Variants in SMYD3 observed in about 807,000 individuals in gnomAD.
The protein encoded by SMYD3 is SET and MYND domain containing 3.
A neutral mutation model predicts 57.7 loss-of-function variants in SMYD3; 36 were observed. The observed-to-expected ratio is 0.62, with a 90% CI of 0.48 to 0.82. The LOEUF (loss-of-function observed/expected upper bound fraction) is 0.82. Ranked by LOEUF, SMYD3 falls within the 40% of genes least tolerant of loss-of-function variation. The probability of loss-of-function intolerance (pLI) is 0.00; values close to 1 mark genes in which losing one functional copy is unlikely to be tolerated. For synonymous variants in SMYD3, 211 were observed against 195.0 expected (o/e 1.08, Z -0.68); for missense variants, 515 against 538.8 (o/e 0.96, Z 0.44).
At chr1:246,073,119 T>G (rs2060486486) in intron 5 of SMYD3, among the ~76,000 whole-genome samples, 1 of 152,216 alleles carries the variant, frequency 6.6e-6, no homozygotes, top group Admixed American at 6.5e-5. Context: ...TAATAAGCGT[T>G]CACACATTTC....
intron 5 of SMYD3, among the ~76,000 whole-genome samples, chr1:246,012,874 G>T (rs1253536009): frequency 1.3e-5 from 2 of 152,184 alleles, no homozygotes; most frequent in Non-Finnish European, 2.9e-5. Flanking sequence ...GACTGAGAAA[G>T]CGAAGTTCTG....
intron 5 of SMYD3, among the ~76,000 whole-genome samples, chr1:246,055,237 C>T (rs1230739926): frequency 1.3e-5 from 2 of 151,928 alleles, no homozygotes; most frequent in East Asian, 3.9e-4. Context: ...AAGCCTTGTG[C>T]GTTACTGGTA....
chr1:246,269,411 G>A (rs2064172421), intron 5 of SMYD3, among the ~76,000 whole-genome samples: 1 of 152,088 alleles, frequency 6.6e-6, no homozygotes, highest in South Asian at 2.1e-4. Flanking sequence ...AAGATTAGCT[G>A]GTGGTGATAG....
chr1:245,843,558 G>A (rs796225971), intron 10 of SMYD3, among the ~76,000 whole-genome samples: 50,850 of 149,724 alleles, frequency 0.34, 10,494 homozygotes, highest in African/African-American at 0.57. Context: ...GTGTGTGTGT[G>A]TGTGTGTGTG....
At chr1:246,448,976 C>T (rs1490712933) in intron 1 of SMYD3, among the ~76,000 whole-genome samples, 1 of 152,070 alleles carries the variant, frequency 6.6e-6, no homozygotes, top group Non-Finnish European at 1.5e-5. Context: ...ACTTGTAATC[C>T]CAACACTTTG....
chr1:245,969,102 G>T (rs769761161), intron 5 of SMYD3, among the ~76,000 whole-genome samples: 2 of 152,176 alleles, frequency 1.3e-5, no homozygotes, highest in Non-Finnish European at 1.5e-5. Context: ...TTCTCAAAAC[G>T]TAAGTACTTC....
chr1:246,302,018 A>T (rs569489433), intron 5 of SMYD3, among the ~76,000 whole-genome samples: 2 of 152,228 alleles, frequency 1.3e-5, no homozygotes, highest in African/African-American at 4.8e-5. Flanking sequence ...AGGACATGCG[A>T]GCTAAGGCAA....
intron 7 of SMYD3, among the ~76,000 whole-genome samples, chr1:245,922,657 A>G (rs2056061572): frequency 6.6e-6 from 1 of 151,702 alleles, no homozygotes; most frequent in South Asian, 2.1e-4. Flanking sequence ...TCCCTTCAGG[A>G]AACTCTAATC....
At chr1:245,947,354 A>G in intron 5 of SMYD3, 1 of 457,040 alleles carries the variant, frequency 2.2e-6, no homozygotes, top group Non-Finnish European at 4.4e-6. Flanking sequence ...TACACGGCAC[A>G]ACCAGAGACA....
intron 5 of SMYD3, among the ~76,000 whole-genome samples, chr1:246,012,775 T>C (rs1380019079): frequency 6.6e-6 from 1 of 152,130 alleles, no homozygotes; most frequent in Non-Finnish European, 1.5e-5. Flanking sequence ...TCCTCAATTA[T>C]CATATACATG....
intron 5 of SMYD3, among the ~76,000 whole-genome samples, chr1:246,075,088 C>G (rs955609197): frequency 1.3e-5 from 2 of 152,020 alleles, no homozygotes; most frequent in Non-Finnish European, 2.9e-5. Context: ...TCAATGAAAA[C>G]CAACCCAAAA....
At chr1:246,324,416 CAAAAA>C (rs897518368) in intron 5 of SMYD3, among the ~76,000 whole-genome samples, 1 of 42,620 alleles carries the variant, frequency 2.3e-5, no homozygotes, top group Non-Finnish European at 5.5e-5. Context: ...AACTCCATCT[CAAAAA>C]AAAAAAAAAA....
At chr1:246,047,083 C>T (rs369072103) in intron 5 of SMYD3, among the ~76,000 whole-genome samples, 1 of 152,134 alleles carries the variant, frequency 6.6e-6, no homozygotes, top group Non-Finnish European at 1.5e-5. Flanking sequence ...AAACTTAATA[C>T]ATACATTTAA....
At chr1:245,905,604 C>G (rs76645573) in intron 8 of SMYD3, among the ~76,000 whole-genome samples, 1,816 of 152,334 alleles carry the variant, frequency 0.012, 34 homozygotes, top group African/African-American at 0.041. Context: ...GACTCCCAGA[C>G]AGTACTTCTG....
At chr1:246,037,965 T>C (rs2059805462) in intron 5 of SMYD3, among the ~76,000 whole-genome samples, 1 of 152,194 alleles carries the variant, frequency 6.6e-6, no homozygotes, top group South Asian at 2.1e-4. Flanking sequence ...GTTGCAGCTA[T>C]TCAATTCTGC....
At chr1:245,980,976 G>A (rs907810205) in intron 5 of SMYD3, among the ~76,000 whole-genome samples, 4 of 152,200 alleles carry the variant, frequency 2.6e-5, no homozygotes, top group Admixed American at 2.6e-4. Context: ...GCAGTTCTAA[G>A]AAAGACGGTA....
At chr1:245,901,558 G>A (rs538426395) in intron 8 of SMYD3, among the ~76,000 whole-genome samples, 56 of 152,310 alleles carry the variant, frequency 3.7e-4, no homozygotes, top group Non-Finnish European at 6.9e-4. Context: ...ATAATGTGCT[G>A]CAGTGGAAAA....
In SMYD3 at chr1:246,407,935, G is replaced by A. The variant is rs575592706; in HGVS notation, c.165-52841C>T. Among the ~76,000 whole-genome samples, 7 of 151,812 alleles carry A rather than the reference G, an allele frequency of 4.6e-5. No homozygotes were observed. The East Asian group carries it at 5.8e-4, about 13-fold the overall frequency. ...AAATCAAAACGTCTGCATATTCAGC[G>A]TCTGAGAGCTCACTGCTCATTCAGT... On this transcript the variant is annotated intron_variant, in intron 1 of 11. Transcript: ENST00000490107.
intron 5 of SMYD3, among the ~76,000 whole-genome samples, chr1:246,264,769 T>C (rs2064072593): frequency 6.6e-6 from 1 of 152,190 alleles, no homozygotes; most frequent in Admixed American, 6.6e-5. Flanking sequence ...GTGGCTCTGC[T>C]ATAGAAGAAA....
Sources: gnomAD v4.1 joint callset for allele counts (sites outside exome capture counted in the v4.1 genomes callset) on GRCh38, gnomAD v4.1.1 for gene constraint, MANE v1.5 for transcripts, NCBI Gene and HGNC (gene_info 2026-07-23, HGNC 2026-07-21) for gene names.